Variants in IDI1 observed in about 807,000 individuals in gnomAD.
IDI1 encodes the protein isopentenyl-diphosphate Delta-isomerase 1.
Under a neutral mutation model 32.9 loss-of-function variants are expected in IDI1, and 23 were observed. That is an observed-to-expected ratio of 0.70 (90% CI 0.50 to 0.99). The LOEUF (loss-of-function observed/expected upper bound fraction) is 0.99. Among genes scored for constraint, IDI1 ranks in the 50% least tolerant of loss-of-function variants. The probability of loss-of-function intolerance (pLI) is 0.00; values close to 1 mark genes in which losing one functional copy is unlikely to be tolerated. For missense variants in IDI1, 326 were observed against 351.9 expected (o/e 0.93, Z 0.59); for synonymous variants, 133 against 128.2 (o/e 1.04, Z -0.25).
upstream of IDI1, among the ~76,000 whole-genome samples, chr10:1,051,532 C>T (rs1833014072): frequency 6.6e-6 from 1 of 152,216 alleles, no homozygotes; most frequent in Non-Finnish European, 1.5e-5. Context: ...CAGCTTACAA[C>T]TCAAACGTTC....
intron 1 of IDI1, chr10:1,048,537 T>C (rs527938603): frequency 7.7e-7 from 1 of 1,293,952 alleles, no homozygotes; most frequent in Middle Eastern, 3.1e-4. Flanking sequence ...CTTAGTCTCC[T>C]GCGACTCGGT....
chr10:1,048,551 C>T, intron 1 of IDI1: 1 of 1,320,998 alleles, frequency 7.6e-7, no homozygotes, highest in Non-Finnish European at 9.7e-7. Flanking sequence ...ACTCGGTTTC[C>T]AGTTCCACGA....
rs758751636 is a variant in IDI1 at position 1,042,743 on chromosome 10, A to G, written c.426T>C (p.Cys142=). 1 of 1,613,936 alleles carries G rather than the reference A, an allele frequency of 6.2e-7. No homozygotes were observed. Among genetic ancestry groups the G allele is most frequent in the Non-Finnish European group, 8.5e-7 (1 of 1,179,888 alleles). The change falls in exon 4 of 5, where the codon TGT becomes TGC. Residue 142 remains cysteine, a synonymous_variant. Transcript: ENST00000381344. ...CTGGATTGCTTAATGGATGACTACA[A>G]CACGTATTCGTAAAACAACCTGGAA... ...ITFPGCFTNT[C]CSHPLSNPAE... is the part of the protein sequence containing the mutation.
In IDI1 at chr10:1,040,362, C is replaced by A. The variant is rs1423306557; in HGVS notation, c.*825G>T. 1 of 152,250 alleles carries A rather than the reference C, an allele frequency of 6.6e-6. No individual in the cohort carries two copies. The highest frequency in any genetic ancestry group is 2.4e-5 in the African/African-American group (1 of 41,456). 9.4% of individuals were successfully genotyped at this position (152,250 alleles called of 1,614,324 possible). A position where few individuals can be genotyped will look rare whatever the true frequency, so the allele number is the denominator to read the frequency against. On this transcript the variant is annotated 3_prime_UTR_variant, in exon 5 of 5. Coordinates refer to ENST00000381344, the MANE Select transcript of IDI1 (RefSeq NM_004508.4). ...ACATGAGAGGGACGCTGCTCACCAT[C>A]CTGCAATGCACAGCACAGACCCCAC... is the stretch of plus-strand genomic sequence containing the variant.
intron 2 of IDI1, 189 bp from the exon 3 acceptor site, chr10:1,043,582 G>A (rs751895313): frequency 8.7e-6 from 6 of 687,190 alleles, no homozygotes; most frequent in South Asian, 3.0e-5. Context: ...GAAGTTGGCC[G>A]TCGAGTGAAG....
chr10:1,055,959 C>A, the IDI1 span, among the ~76,000 whole-genome samples: 1 of 152,122 alleles, frequency 6.6e-6, no homozygotes, highest in African/African-American at 2.4e-5. Flanking sequence ...CAGGCGCGCG[C>A]CGCCACGCCC....
rs1832565734 is a variant in IDI1, at chr10:1,041,131, A to C, written c.*56T>G. 6.2e-6 allele frequency: 6 copies of C among 969,480 alleles called. No individual in the cohort carries two copies. In the Admixed American group the frequency reaches 1.7e-4, roughly 27 times the overall value. 60.1% of individuals were successfully genotyped at this position (969,480 alleles called of 1,614,324 possible). On this transcript the variant is annotated 3_prime_UTR_variant, in exon 5 of 5. Transcript: ENST00000381344. ...GATAGAACTAAATTTAAAAGGAAAA[A>C]GTCATTCTAAGTTTGTTAAGCAGAT...
chr10:1,043,695 C>T lies in IDI1; in HGVS notation c.314-302G>A, dbSNP rs144262408. 2,049 of 639,974 alleles carry T rather than the reference C, an allele frequency of 3.2e-3. 6 individuals carry two copies. The highest frequency in any genetic ancestry group is 5.6e-3 in the Middle Eastern group (23 of 4,096). The allele number at this position is 639,974 out of a possible 1,614,324, so 39.6% of individuals were successfully genotyped here. A position where few individuals can be genotyped will look rare whatever the true frequency, so the allele number is the denominator to read the frequency against. On this transcript the variant is annotated intron_variant, in intron 2 of 4. Transcript: ENST00000381344. ...GGCACATGCTTCCCTGCATGGTGCCCGCCTCTCTCCACTCTCTAGAAATAT... is the reference window on the plus strand; with the variant it reads ...GGCACATGCTTCCCTGCATGGTGCCTGCCTCTCTCCACTCTCTAGAAATAT...
the IDI1 span, among the ~76,000 whole-genome samples, chr10:1,054,625 G>A: frequency 6.6e-6 from 1 of 152,200 alleles, no homozygotes; most frequent in Non-Finnish European, 1.5e-5. Flanking sequence ...TACCAGGATT[G>A]CAATCATAAC....
chr10:1,050,374 G>A (rs1832972069), upstream of IDI1, among the ~76,000 whole-genome samples: 1 of 152,136 alleles, frequency 6.6e-6, no homozygotes, highest in South Asian at 2.1e-4. Context: ...ACTGCTGTCA[G>A]TGCGTTCTTG....
upstream of IDI1, among the ~76,000 whole-genome samples, chr10:1,051,939 C>G (rs1307721880): frequency 6.6e-6 from 1 of 152,190 alleles, no homozygotes; most frequent in Non-Finnish European, 1.5e-5. Flanking sequence ...GTGGTGCGAT[C>G]TTGGCTCACT....
chr10:1,048,828 C>T, intron 1 of IDI1, 36 bp downstream of exon 1: 1 of 1,598,812 alleles, frequency 6.3e-7, no homozygotes, highest in South Asian at 1.1e-5. Flanking sequence ...GCCGCCCTGC[C>T]CCTGTCTCCC....
chr10:1,051,281 C>T (rs1232570293), upstream of IDI1, among the ~76,000 whole-genome samples: 1 of 152,236 alleles, frequency 6.6e-6, no homozygotes, highest in Non-Finnish European at 1.5e-5. Context: ...TATTGTAGCA[C>T]TGGCTTCCAC....
chr10:1,054,464 G>A, the IDI1 span, among the ~76,000 whole-genome samples: 2 of 152,130 alleles, frequency 1.3e-5, no homozygotes, highest in Admixed American at 6.5e-5. Flanking sequence ...CAAACCATGC[G>A]CAAAAATGAG....
chr10:1,044,499 C>T (rs1019493102), intron 1 of IDI1, among the ~76,000 whole-genome samples: 1 of 152,144 alleles, frequency 6.6e-6, no homozygotes, highest in South Asian at 2.1e-4. Context: ...TTTTTGGCCC[C>T]AACCTAACTT....
chr10:1,054,244 A>G, the IDI1 span, among the ~76,000 whole-genome samples: 1 of 152,198 alleles, frequency 6.6e-6, no homozygotes, highest in South Asian at 2.1e-4. Context: ...AACATATGAT[A>G]CCTGTGAAGT....
chr10:1,044,259 C>T, intron 1 of IDI1, 88 bp from the exon 2 acceptor site: 2 of 984,558 alleles, frequency 2.0e-6, no homozygotes, highest in South Asian at 3.1e-5. Context: ...GCTGCTTCCC[C>T]ATCTGCAGTT....
chr10:1,050,070 C>T (rs1368748431), upstream of IDI1, among the ~76,000 whole-genome samples: 3 of 152,178 alleles, frequency 2.0e-5, no homozygotes, highest in Non-Finnish European at 2.9e-5. Flanking sequence ...TGGTGGGCAC[C>T]AGTTCTCAAA....
intron 4 of IDI1, among the ~76,000 whole-genome samples, chr10:1,041,727 C>T (rs1257275416): frequency 6.7e-6 from 1 of 148,862 alleles, no homozygotes. Flanking sequence ...GTTTTTTTCC[C>T]GATCAGATAA....
Sources: allele counts gnomAD v4.1 joint callset (sites outside exome capture counted in the v4.1 genomes callset), GRCh38; gene constraint gnomAD v4.1.1; transcripts MANE v1.5; gene names NCBI Gene and HGNC (gene_info 2026-07-23, HGNC 2026-07-21).